The following DLC1 variants were observed in gnomAD, a reference collection of about 807,000 sequenced individuals.
The protein encoded by DLC1 is DLC1 Rho GTPase activating protein, also known as rho GTPase-activating protein 7.
Under a neutral mutation model 140.3 loss-of-function variants are expected in DLC1, and 54 were observed. The observed-to-expected ratio is 0.38, with a 90% CI of 0.31 to 0.48. DLC1 has a LOEUF of 0.48. Among genes scored for constraint, DLC1 ranks in the 20% least tolerant of loss-of-function variants. The pLI is 0.96. For synonymous variants in DLC1, 986 were observed against 728.1 expected, an observed-to-expected ratio of 1.35 and a Z score of -5.70; for missense variants, 2,536 against 1,907.0, an observed-to-expected ratio of 1.33 and a Z score of -6.14.
At chr8:13,398,544 T>A (rs1837154236) in intron 3 of DLC1, among the ~76,000 whole-genome samples, 1 of 148,462 alleles carries the variant, frequency 6.7e-6, no homozygotes, top group Non-Finnish European at 1.5e-5. Context: ...GTGTGAAGAT[T>A]GCTTGAGGCC....
At chr8:13,556,085 C>G (rs944600974) in intron 1 of DLC1, among the ~76,000 whole-genome samples, 3 of 152,014 alleles carry the variant, frequency 2.0e-5, no homozygotes, top group Non-Finnish European at 2.9e-5. Flanking sequence ...TGTGATACTG[C>G]TCTCTGTGCT....
chr8:13,110,707 TA>T, intron 7 of DLC1, 34 bp downstream of exon 7: 2 of 1,587,450 alleles, frequency 1.3e-6, no homozygotes, highest in South Asian at 1.1e-5. Context: ...TCTTAAAAAA[TA>T]AAAAAGGAAA....
intron 4 of DLC1, among the ~76,000 whole-genome samples, chr8:13,311,610 C>T (rs1832667159): frequency 6.6e-6 from 1 of 152,148 alleles, no homozygotes; most frequent in Non-Finnish European, 1.5e-5. Context: ...TTTATTCCCC[C>T]CCTTAAATCA....
chr8:13,422,785 G>T (rs1248448014), intron 2 of DLC1, among the ~76,000 whole-genome samples: 1 of 148,806 alleles, frequency 6.7e-6, no homozygotes, highest in Admixed American at 6.8e-5. Flanking sequence ...GGATCAACAT[G>T]CAAACAACCA....
intron 5 of DLC1, among the ~76,000 whole-genome samples, chr8:13,144,001 A>C (rs1347358909): frequency 6.6e-6 from 1 of 152,128 alleles, no homozygotes; most frequent in Non-Finnish European, 1.5e-5. Flanking sequence ...TGTGATGGTT[A>C]ATTTTTGGTG....
At chr8:13,157,419 A>G (rs560531321) in intron 5 of DLC1, among the ~76,000 whole-genome samples, 1 of 152,326 alleles carries the variant, frequency 6.6e-6, no homozygotes, top group African/African-American at 2.4e-5. Context: ...AGAGCCTGCT[A>G]ATGCATAGCT....
chr8:13,481,765 A>G (rs1240129349), intron 2 of DLC1, among the ~76,000 whole-genome samples: 1 of 152,200 alleles, frequency 6.6e-6, no homozygotes, highest in African/African-American at 2.4e-5. Context: ...TTATTTGGAA[A>G]TAGGGTTTTT....
chr8:13,451,463 T>C (rs1299749941), intron 2 of DLC1, among the ~76,000 whole-genome samples: 1 of 152,168 alleles, frequency 6.6e-6, no homozygotes, highest in African/African-American at 2.4e-5. Context: ...TAGTAGGTCT[T>C]ATTCATTCTA....
rs1818395932 is a variant in DLC1 at position 13,095,088 on chromosome 8, G to C, written c.3325C>G (p.Gln1109Glu). The change falls in exon 11 of 18, where the codon CAG becomes GAG. Residue 1109 changes from glutamine to glutamate, a missense_variant and splice_region_variant. Gln to Glu is a conservative substitution (Grantham distance 29). Transcript: ENST00000276297. ...MRYLRNHCLD[Q>E]VGLFRKSGVK... ...GGACCCGCAGGCAGCGCTCTCACCT[G>C]ATCCAAACAATGGTTCCGGAGGTAT... 1 of 1,614,268 alleles carries C rather than the reference G, an allele frequency of 6.2e-7. No homozygotes were observed. Among genetic ancestry groups the C allele is most frequent in the Non-Finnish European group, 8.5e-7 (1 of 1,180,048 alleles).
chr8:13,511,913 A>C (rs1183829868), intron 1 of DLC1, among the ~76,000 whole-genome samples: 2 of 152,166 alleles, frequency 1.3e-5, no homozygotes, highest in African/African-American at 4.8e-5. Flanking sequence ...GACCTATTTT[A>C]AGCCTGTAAG....
intron 1 of DLC1, among the ~76,000 whole-genome samples, chr8:13,582,226 G>A (rs1334424244): frequency 1.3e-5 from 2 of 152,036 alleles, no homozygotes; most frequent in South Asian, 2.1e-4. Context: ...CTGGCAGTGA[G>A]AAAAAACAAA....
At position 13,432,976 on chromosome 8, in the gene DLC1, A is replaced by G. The variant is rs557868701; in HGVS notation, c.1024-31357T>C. Among the ~76,000 whole-genome samples the G allele has an allele frequency of 2.0e-3, 281 of 140,234 alleles. 1 individual carries two copies. Among genetic ancestry groups the G allele is most frequent in the Non-Finnish European group, 3.6e-3 (240 of 65,780 alleles). The allele number at this position is 140,234 out of a possible 152,430, so 92.0% of individuals were successfully genotyped here. A position where few individuals can be genotyped will look rare whatever the true frequency, so the allele number is the denominator to read the frequency against. The stretch of plus-strand genomic sequence containing the variant: ...TTTTTTTTTTTTTTTCCTTTTTCAA[A>G]CATAGGGGAGAGAGAATCTAACTTG... On this transcript the variant is annotated intron_variant, in intron 2 of 17. Transcript: ENST00000276297.
At chr8:13,312,283 C>T (rs10106055) in intron 4 of DLC1, among the ~76,000 whole-genome samples, 1 of 121,206 alleles carries the variant, frequency 8.3e-6, no homozygotes, top group Non-Finnish European at 1.7e-5. Flanking sequence ...ATGGCGTGAA[C>T]CCGGGAGGCG....
At chr8:13,419,057 T>C (rs967540733) in intron 2 of DLC1, among the ~76,000 whole-genome samples, 18 of 152,128 alleles carry the variant, frequency 1.2e-4, no homozygotes, top group African/African-American at 3.9e-4. Context: ...TTTTTGTACA[T>C]TGATTTTGTA....
intron 5 of DLC1, among the ~76,000 whole-genome samples, chr8:13,199,275 C>G (rs1354056503): frequency 2.1e-5 from 3 of 145,328 alleles, no homozygotes; most frequent in Non-Finnish European, 4.5e-5. Context: ...ACCTTGAACT[C>G]CTAGGCTCAA....
chr8:13,440,854 G>T (rs1024855177), intron 2 of DLC1, among the ~76,000 whole-genome samples: 1 of 152,016 alleles, frequency 6.6e-6, no homozygotes, highest in Admixed American at 6.6e-5. Flanking sequence ...GCTTCCCGCC[G>T]TGATTCTGAG....
intron 5 of DLC1, among the ~76,000 whole-genome samples, chr8:13,134,580 T>C (rs2128966099): frequency 6.6e-6 from 1 of 152,338 alleles, no homozygotes; most frequent in East Asian, 1.9e-4. Flanking sequence ...CTCTTAATTA[T>C]AGTTTAAAAC....
chr8:13,532,836 C>T (rs559089872), intron 1 of DLC1, among the ~76,000 whole-genome samples: 3 of 152,166 alleles, frequency 2.0e-5, no homozygotes, highest in Non-Finnish European at 4.4e-5. Context: ...CCCTCATCCC[C>T]CCATCTCTAA....
chr8:13,424,555 C>T (rs1026618702), intron 2 of DLC1, among the ~76,000 whole-genome samples: 2 of 151,960 alleles, frequency 1.3e-5, no homozygotes, highest in Non-Finnish European at 2.9e-5. Flanking sequence ...CTTCCTTGTG[C>T]TGTTGGTCCA....
Sources: allele counts gnomAD v4.1 joint callset (sites outside exome capture counted in the v4.1 genomes callset), GRCh38; gene constraint gnomAD v4.1.1; transcripts MANE v1.5; gene names NCBI Gene and HGNC (gene_info 2026-07-23, HGNC 2026-07-21).